Variants in FBXO16 observed in about 807,000 individuals in gnomAD.
FBXO16 encodes F-box protein 16.
Under a neutral mutation model 41.0 loss-of-function variants are expected in FBXO16, and 31 were observed. The observed-to-expected ratio is 0.76, with a 90% CI of 0.57 to 1.02. The LOEUF (loss-of-function observed/expected upper bound fraction) is 1.02. Ranked by LOEUF, FBXO16 falls within the 50% of genes least tolerant of loss-of-function variation. The pLI, the probability that FBXO16 is intolerant of heterozygous loss-of-function variation, is 0.00. For synonymous variants in FBXO16, 133 were observed against 117.8 expected, an observed-to-expected ratio of 1.13 and a Z score of -0.84; for missense variants, 361 against 346.2, an observed-to-expected ratio of 1.04 and a Z score of -0.34.
intron 7 of FBXO16, among the ~76,000 whole-genome samples, chr8:28,431,902 C>G (rs1446687169): frequency 6.6e-6 from 1 of 152,142 alleles, no homozygotes; most frequent in African/African-American, 2.4e-5. Context: ...CTCCCCCCAC[C>G]TCATCCTTGA....
intron 4 of FBXO16, among the ~76,000 whole-genome samples, chr8:28,460,721 C>A (rs553929528): frequency 6.6e-6 from 1 of 151,940 alleles, no homozygotes; most frequent in South Asian, 2.1e-4. Flanking sequence ...CACCTCTGCG[C>A]CTGGCCGACC....
chr8:28,439,619 A>G (rs916528731), intron 7 of FBXO16, among the ~76,000 whole-genome samples: 11 of 151,924 alleles, frequency 7.2e-5, no homozygotes, highest in African/African-American at 2.4e-4. Flanking sequence ...TTGGTGGTGC[A>G]CAGGTCCCGG....
At chr8:28,479,327 G>T (rs964232981) in intron 2 of FBXO16, among the ~76,000 whole-genome samples, 11 of 151,914 alleles carry the variant, frequency 7.2e-5, no homozygotes, top group African/African-American at 2.7e-4. Flanking sequence ...TCCCTTCCCA[G>T]GTGCTGATCC....
At chr8:28,441,492 T>C (rs1013712550) in intron 7 of FBXO16, among the ~76,000 whole-genome samples, 4 of 152,104 alleles carry the variant, frequency 2.6e-5, no homozygotes, top group African/African-American at 9.7e-5. Flanking sequence ...TCCCAGCACT[T>C]TGGGAGGCCA....
At chr8:28,451,859 CT>C (rs914580052) in intron 6 of FBXO16, among the ~76,000 whole-genome samples, 5 of 152,018 alleles carry the variant, frequency 3.3e-5, no homozygotes, top group Non-Finnish European at 5.9e-5. Flanking sequence ...TGGCGGTCGC[CT>C]GTAGCCCCAG....
chr8:28,438,349 G>C (rs1802715430), intron 7 of FBXO16, among the ~76,000 whole-genome samples: 2 of 151,992 alleles, frequency 1.3e-5, no homozygotes, highest in African/African-American at 4.8e-5. Flanking sequence ...AAATGAAACT[G>C]ACTATAAGGA....
rs1350204892 is a variant in FBXO16 at position 28,460,243 on chromosome 8, A to ATTTT, written c.343-3314_343-3313insAAAA. On this transcript the variant is annotated intron_variant, in intron 4 of 8. Transcript: ENST00000380254. ...TGTGTGTGTATATATATATATATATATATTTTTTTTTTTTTTTTTTTTTGA... is the reference window on the plus strand; with the variant it reads ...TGTGTGTGTATATATATATATATATATTTTTATTTTTTTTTTTTTTTTTTTTTGA... Among the ~76,000 whole-genome samples, 76 of 93,766 alleles carry ATTTT rather than the reference A, an allele frequency of 8.1e-4. 1 individual carries two copies. The highest frequency in any genetic ancestry group is 4.0e-3 in the African/African-American group (65 of 16,156). The allele number at this position is 93,766 out of a possible 152,430, so 61.5% of individuals were successfully genotyped here. A position where few individuals can be genotyped will look rare whatever the true frequency, so the allele number is the denominator to read the frequency against.
intron 2 of FBXO16, among the ~76,000 whole-genome samples, chr8:28,480,986 C>T (rs1267181038): frequency 2.6e-5 from 4 of 152,138 alleles, no homozygotes; most frequent in Non-Finnish European, 1.5e-5. Flanking sequence ...TTTGAATGGA[C>T]TCAGATAGGA....
At chr8:28,464,510 A>AC (rs145736290) in intron 3 of FBXO16, among the ~76,000 whole-genome samples, 5,441 of 152,300 alleles carry the variant, frequency 0.036, 305 homozygotes, top group African/African-American at 0.13. Context: ...AGGGAACAAC[A>AC]CTACCAGCTT....
chr8:28,429,200 C>T (rs575983503), intron 8 of FBXO16, among the ~76,000 whole-genome samples, 178 bp downstream of exon 8: 14 of 152,070 alleles, frequency 9.2e-5, no homozygotes, highest in Admixed American at 2.0e-4. Context: ...CTATGTTGCC[C>T]AGGCTGGTCT....
chr8:28,480,333 T>C (rs1485548393), intron 2 of FBXO16, among the ~76,000 whole-genome samples: 1 of 152,156 alleles, frequency 6.6e-6, no homozygotes, highest in East Asian at 1.9e-4. Context: ...TCAGGTTTGA[T>C]GACGGCTTTG....
intron 3 of FBXO16, among the ~76,000 whole-genome samples, chr8:28,470,475 G>A (rs1803317062): frequency 6.6e-6 from 1 of 152,310 alleles, no homozygotes; most frequent in African/African-American, 2.4e-5. Context: ...TACATAAATA[G>A]AGGTTCAAAG....
At chr8:28,450,981 A>G (rs1167343256) in intron 6 of FBXO16, among the ~76,000 whole-genome samples, 1 of 152,192 alleles carries the variant, frequency 6.6e-6, no homozygotes, top group African/African-American at 2.4e-5. Context: ...AAAAATGCCT[A>G]AATCCTTGAC....
intron 4 of FBXO16, among the ~76,000 whole-genome samples, chr8:28,462,141 T>C (rs1384909008): frequency 6.6e-6 from 1 of 151,972 alleles, no homozygotes; most frequent in Non-Finnish European, 1.5e-5. Flanking sequence ...GGTCTCCCTA[T>C]GTTGCCCAGG....
chr8:28,430,927 C>A (rs192860001), intron 7 of FBXO16, among the ~76,000 whole-genome samples: 1 of 152,018 alleles, frequency 6.6e-6, no homozygotes, highest in African/African-American at 2.4e-5. Context: ...AGCAAGACCG[C>A]GCCATTGCAC....
At chr8:28,473,113 T>C (rs1418556353) in intron 3 of FBXO16, among the ~76,000 whole-genome samples, 1 of 152,218 alleles carries the variant, frequency 6.6e-6, no homozygotes, top group Non-Finnish European at 1.5e-5. Context: ...CCCAAAGTTC[T>C]GTCTCCCTGG....
At chr8:28,463,953 G>A in intron 3 of FBXO16, 135 bp from the exon 4 acceptor site, 1 of 846,694 alleles carries the variant, frequency 1.2e-6, no homozygotes, top group African/African-American at 1.7e-5. Flanking sequence ...TCCCTAATCA[G>A]CAAATTCCAT....
chr8:28,486,105 C>CA (rs34817606), intron 1 of FBXO16, among the ~76,000 whole-genome samples: 54 of 128,162 alleles, frequency 4.2e-4, no homozygotes, highest in Admixed American at 8.6e-4. Context: ...GACTCTGTCT[C>CA]AAAAAAAAAA....
intron 2 of FBXO16, among the ~76,000 whole-genome samples, chr8:28,475,449 C>G (rs576079730): frequency 4.8e-4 from 73 of 152,288 alleles, no homozygotes; most frequent in African/African-American, 1.8e-3. Context: ...ATAATGGCAA[C>G]AGATAAACTC....
Sources: allele counts gnomAD v4.1 joint callset (sites outside exome capture counted in the v4.1 genomes callset), GRCh38; gene constraint gnomAD v4.1.1; transcripts MANE v1.5; gene names NCBI Gene and HGNC (gene_info 2026-07-23, HGNC 2026-07-21).